The following KCNMB4 variants were observed in gnomAD, a reference collection of about 807,000 sequenced individuals.
The protein encoded by KCNMB4 is potassium calcium-activated channel subfamily M regulatory beta subunit 4.
KCNMB4 carries 3 observed loss-of-function variants against 20.7 expected under a neutral mutation model. That is an observed-to-expected ratio of 0.14 (90% confidence interval 0.07 to 0.37). The LOEUF is 0.37. Ranked by LOEUF, KCNMB4 falls within the 10% of genes least tolerant of loss-of-function variation. KCNMB4 has a pLI of 1.00. For missense variants in KCNMB4, 168 were observed against 265.9 expected, an observed-to-expected ratio of 0.63 and a Z score of 2.56; for synonymous variants, 110 against 113.4, an observed-to-expected ratio of 0.97 and a Z score of 0.19.
intron 2 of KCNMB4, among the ~76,000 whole-genome samples, chr12:70,415,726 A>G (rs1868897205): frequency 6.6e-6 from 1 of 152,162 alleles, no homozygotes; most frequent in Non-Finnish European, 1.5e-5. Flanking sequence ...CTCCTTCTTT[A>G]ATATTACCTC....
chr12:70,379,741 C>T (rs781059202), intron 1 of KCNMB4, among the ~76,000 whole-genome samples: 1 of 152,164 alleles, frequency 6.6e-6, no homozygotes, highest in African/African-American at 2.4e-5. Context: ...ATGAAGATGG[C>T]TTCTTTTCTT....
intron 2 of KCNMB4, among the ~76,000 whole-genome samples, chr12:70,413,076 T>C (rs1381843077): frequency 6.6e-6 from 1 of 152,230 alleles, no homozygotes; most frequent in African/African-American, 2.4e-5. Context: ...GAAGGCTTTC[T>C]TTGGTCCCAA....
intron 2 of KCNMB4, among the ~76,000 whole-genome samples, 175 bp downstream of exon 2, chr12:70,400,511 T>C (rs1260822054): frequency 1.3e-5 from 2 of 152,232 alleles, no homozygotes; most frequent in Non-Finnish European, 2.9e-5. Flanking sequence ...AAGACTTGTG[T>C]TGTACACCTT....
At chr12:70,415,532 G>A (rs1045716067) in intron 2 of KCNMB4, among the ~76,000 whole-genome samples, 3 of 152,328 alleles carry the variant, frequency 2.0e-5, no homozygotes, top group Admixed American at 6.5e-5. Flanking sequence ...TAATAAGATT[G>A]CTATTATAAC....
chr12:70,399,609 A>C (rs1868402013), intron 1 of KCNMB4, among the ~76,000 whole-genome samples: 1 of 152,230 alleles, frequency 6.6e-6, no homozygotes, highest in Non-Finnish European at 1.5e-5. Flanking sequence ...TGCTTACGAT[A>C]ATAGAGCTCC....
At chr12:70,405,044 G>A (rs892833936) in intron 2 of KCNMB4, among the ~76,000 whole-genome samples, 36 of 152,228 alleles carry the variant, frequency 2.4e-4, no homozygotes, top group African/African-American at 7.7e-4. Flanking sequence ...AAATAAGAAC[G>A]TCTTAAAAGG....
chr12:70,390,843 C>T (rs769300397), intron 1 of KCNMB4, among the ~76,000 whole-genome samples: 11 of 152,204 alleles, frequency 7.2e-5, no homozygotes, highest in Non-Finnish European at 1.6e-4. Context: ...CCCCTGACCC[C>T]CATGAGCTCT....
chr12:70,399,090 A>G (rs1329284197), intron 1 of KCNMB4, among the ~76,000 whole-genome samples: 2 of 152,232 alleles, frequency 1.3e-5, no homozygotes, highest in African/African-American at 4.8e-5. Context: ...GCTGCATCCC[A>G]GAATTAAATG....
chr12:70,424,711 C>T (rs1256500294), intron 2 of KCNMB4, among the ~76,000 whole-genome samples: 2 of 151,920 alleles, frequency 1.3e-5, no homozygotes, highest in East Asian at 1.9e-4. Flanking sequence ...GATCGTGCCA[C>T]TGCACTCCAG....
chr12:70,371,325 G>A (rs913450380), intron 1 of KCNMB4, among the ~76,000 whole-genome samples: 2 of 152,178 alleles, frequency 1.3e-5, no homozygotes, highest in South Asian at 2.1e-4. Context: ...CAGGCATTAC[G>A]TTTGCTGAAG....
intron 1 of KCNMB4, among the ~76,000 whole-genome samples, chr12:70,368,310 G>C (rs1883531365): frequency 6.6e-6 from 1 of 151,826 alleles, no homozygotes; most frequent in African/African-American, 2.4e-5. Flanking sequence ...CTTACCTCCT[G>C]AACAGTAAAT....
intron 2 of KCNMB4, among the ~76,000 whole-genome samples, chr12:70,407,895 C>T (rs975562823): frequency 5.3e-5 from 8 of 152,126 alleles, no homozygotes; most frequent in Non-Finnish European, 1.0e-4. Context: ...TATGAAAAAA[C>T]GAAGATTCTC....
At chr12:70,393,570 A>G (rs1382962345) in intron 1 of KCNMB4, among the ~76,000 whole-genome samples, 1 of 152,222 alleles carries the variant, frequency 6.6e-6, no homozygotes, top group African/African-American at 2.4e-5. Context: ...CGAACTTTTC[A>G]GTCTTAATAA....
At chr12:70,418,188 C>T (rs547537017) in intron 2 of KCNMB4, among the ~76,000 whole-genome samples, 7 of 151,742 alleles carry the variant, frequency 4.6e-5, no homozygotes, top group Admixed American at 1.3e-4. Context: ...GCCAGCCTTA[C>T]AGACACCCAA....
intron 2 of KCNMB4, among the ~76,000 whole-genome samples, chr12:70,415,049 C>A (rs1868880270): frequency 6.6e-6 from 1 of 152,198 alleles, no homozygotes; most frequent in Admixed American, 6.5e-5. Flanking sequence ...TTTGGCCTTT[C>A]ATAATAGCCG....
At chr12:70,394,932 G>A (rs1868338199) in intron 1 of KCNMB4, among the ~76,000 whole-genome samples, 2 of 152,152 alleles carry the variant, frequency 1.3e-5, no homozygotes, top group Admixed American at 1.3e-4. Context: ...CTCCCAACAT[G>A]TTGGGATTAC....
At chr12:70,370,347 G>T (rs564586913) in intron 1 of KCNMB4, among the ~76,000 whole-genome samples, 3 of 147,684 alleles carry the variant, frequency 2.0e-5, no homozygotes, top group East Asian at 2.0e-4. Context: ...TCGCTCTGTC[G>T]CCCAGGCTGG....
Position 70,400,326 on chromosome 12 carries a change from C to T in KCNMB4, c.454C>T (p.Gln152Ter). Residue 152 changes from glutamine (Q) to a stop codon, truncating the protein, a stop_gained, in exon 2 of 3, where the codon CAA becomes TAA. Coordinates refer to ENST00000258111, the MANE Select transcript of KCNMB4 (RefSeq NM_014505.6). LOFTEE classifies it high-confidence loss of function. Reference sequence around the variant, plus strand: ...CCAGCCATTTACTTGCTATTTTAATCAACATCAAAGGTAAGTCAATATTTG... The same window carrying T: ...CCAGCCATTTACTTGCTATTTTAATTAACATCAAAGGTAAGTCAATATTTG... ...GSQPFTCYFN[Q>*]HQRPDDVLLH... is the part of the protein sequence containing the mutation. 1 of 1,604,908 alleles carries T rather than the reference C, an allele frequency of 6.2e-7. No homozygotes were observed. The highest frequency in any genetic ancestry group is 8.5e-7 in the Non-Finnish European group (1 of 1,177,714).
intron 2 of KCNMB4, among the ~76,000 whole-genome samples, chr12:70,407,849 C>G (rs888268624): frequency 6.6e-6 from 1 of 151,984 alleles, no homozygotes; most frequent in African/African-American, 2.4e-5. Context: ...AGTCACCTCA[C>G]TAGTATAAAC....
Sources: gnomAD v4.1 joint callset for allele counts (sites outside exome capture counted in the v4.1 genomes callset) on GRCh38, gnomAD v4.1.1 for gene constraint, MANE v1.5 for transcripts, NCBI Gene and HGNC (gene_info 2026-07-23, HGNC 2026-07-21) for gene names.